CDHR3: variants seen among roughly 807,000 people sequenced by gnomAD.
CDHR3 encodes the protein cadherin related family member 3.
In CDHR3, 79 loss-of-function variants were observed where a neutral mutation model predicts 86.6. The observed-to-expected ratio is 0.91, with a 90% CI of 0.76 to 1.10. CDHR3 has a LOEUF of 1.10. Among genes scored for constraint, CDHR3 ranks in the 50% least tolerant of loss-of-function variants. CDHR3 has a pLI of 0.00. For synonymous variants in CDHR3, 421 were observed against 402.4 expected, an observed-to-expected ratio of 1.05 and a Z score of -0.55; for missense variants, 1,081 against 1,077.6, an observed-to-expected ratio of 1.00 and a Z score of -0.04.
rs764408508 is a variant in CDHR3 at position 105,984,237 on chromosome 7, A to G, written c.461A>G (p.Tyr154Cys). The G allele has an allele frequency of 6.2e-7, 1 of 1,611,086 alleles. No homozygotes were observed. The highest frequency in any genetic ancestry group is 1.1e-5 in the South Asian group (1 of 90,552). Reference sequence around the variant, plus strand: ...GAAAGAGCAAACCCTGGATTCATTTACCAGGTTGAGGCCTTCGATCCAGAA... The same window carrying G: ...GAAAGAGCAAACCCTGGATTCATTTGCCAGGTTGAGGCCTTCGATCCAGAA... ...IVERANPGFI[Y>C]QVEAFDPEDT... Residue 154 changes from tyrosine to cysteine, a missense_variant, in exon 4 of 19, where the codon TAC becomes TGC. Transcript: ENST00000317716.
intron 8 of CDHR3, among the ~76,000 whole-genome samples, chr7:106,007,579 G>T (rs1305452906): frequency 6.6e-6 from 1 of 152,174 alleles, no homozygotes; most frequent in African/African-American, 2.4e-5. Context: ...CAGTCTCTTT[G>T]CTAAAACATA....
intron 4 of CDHR3, among the ~76,000 whole-genome samples, chr7:105,986,910 T>A (rs1830610296): frequency 6.6e-6 from 1 of 152,206 alleles, no homozygotes; most frequent in Admixed American, 6.5e-5. Context: ...TTTTGGGGTA[T>A]CGTGTTCTGA....
At chr7:106,002,658 A>G (rs1046830118) in intron 7 of CDHR3, among the ~76,000 whole-genome samples, 1 of 152,180 alleles carries the variant, frequency 6.6e-6, no homozygotes, top group Non-Finnish European at 1.5e-5. Context: ...GGTTCCCTGA[A>G]GTCTTCTGAA....
At chr7:106,013,313 C>T (rs1456585283) in intron 9 of CDHR3, among the ~76,000 whole-genome samples, 3 of 152,306 alleles carry the variant, frequency 2.0e-5, no homozygotes, top group South Asian at 4.1e-4. Flanking sequence ...TTCACAGACA[C>T]GTCAGTGCCC....
chr7:106,018,089 G>C lies in CDHR3; in HGVS notation c.1653+17G>C. 3.1e-6 allele frequency: 5 copies of C among 1,606,246 alleles called. No individual in the cohort carries two copies. The highest frequency in any genetic ancestry group is 3.4e-6 in the Non-Finnish European group (4 of 1,174,230). On this transcript the variant is annotated intron_variant, in intron 12 of 18. Transcript: ENST00000317716. ...TCTGTCACTGTGAGTGGTGCTGCTT[G>C]GTATAGTGCCGGTAACCCAACTGGT... is the stretch of plus-strand genomic sequence containing the variant.
At chr7:106,025,887 G>T (rs1402386815) in intron 15 of CDHR3, among the ~76,000 whole-genome samples, 1 of 152,104 alleles carries the variant, frequency 6.6e-6, no homozygotes, top group African/African-American at 2.4e-5. Flanking sequence ...AAAAAAAACA[G>T]CTCTAAAAGA....
At chr7:105,968,734 T>C (rs952684190) in intron 1 of CDHR3, among the ~76,000 whole-genome samples, 3 of 152,186 alleles carry the variant, frequency 2.0e-5, no homozygotes, top group Non-Finnish European at 4.4e-5. Flanking sequence ...AGCCTGAATT[T>C]TTCTGCTGAA....
At position 105,998,386 on chromosome 7, in the gene CDHR3, G is replaced by A. The variant is rs183944849; in HGVS notation, c.713+2032G>A. On this transcript the variant is annotated intron_variant, in intron 6 of 18. Coordinates refer to ENST00000317716, the MANE Select transcript of CDHR3 (RefSeq NM_152750.5). ...CAAAGCAAGTCCTATGTCTGTTCTT[G>A]AAAATGTCTCCCCATTTTACCCCTG... 2.3e-3 allele frequency among the ~76,000 whole-genome samples: 352 copies of A among 152,322 alleles called. 2 individuals carry two copies. Among genetic ancestry groups the A allele is most frequent in the African/African-American group, 8.1e-3 (336 of 41,568 alleles).
At chr7:106,018,481 T>C (rs114947103) in intron 12 of CDHR3, among the ~76,000 whole-genome samples, 31,723 of 151,974 alleles carry the variant, frequency 0.21, 3,550 homozygotes, top group African/African-American at 0.26. Flanking sequence ...AGTAATCCAC[T>C]CGCCTCAGCC....
At chr7:105,973,303 T>A (rs1013481183) in intron 1 of CDHR3, among the ~76,000 whole-genome samples, 6 of 152,360 alleles carry the variant, frequency 3.9e-5, no homozygotes, top group Middle Eastern at 3.4e-3. Context: ...CACTTATTTG[T>A]AACATTGGAT....
rs765831356 is a variant in CDHR3 at position 106,024,503 on chromosome 7, A to G, written c.2199A>G (p.Leu733=). ...LLGLLVYLVV[L]LAKAIHRHCP... Reference sequence around the variant, plus strand: ...GTCTCCTCGTGTACCTGGTCGTCCTATTGGCCAAAGCCATCCACAGACACT... The same window carrying G: ...GTCTCCTCGTGTACCTGGTCGTCCTGTTGGCCAAAGCCATCCACAGACACT... Residue 733 remains leucine, a synonymous_variant, in exon 15 of 19, where the codon CTA becomes CTG. Coordinates refer to ENST00000317716, the MANE Select transcript of CDHR3 (RefSeq NM_152750.5). The G allele has an allele frequency of 1.1e-5, 18 of 1,613,904 alleles. No individual in the cohort carries two copies. In the Admixed American group the frequency reaches 1.2e-4, roughly 10 times the overall value.
intron 4 of CDHR3, among the ~76,000 whole-genome samples, chr7:105,988,720 CG>C (rs1830879980): frequency 6.6e-6 from 1 of 152,066 alleles, no homozygotes; most frequent in South Asian, 2.1e-4. Flanking sequence ...AATATTGGAC[CG>C]GCTCTGTCCA....
intron 11 of CDHR3, among the ~76,000 whole-genome samples, chr7:106,017,426 G>A (rs1488280412): frequency 5.9e-5 from 9 of 151,956 alleles, no homozygotes; most frequent in Non-Finnish European, 1.3e-4. Flanking sequence ...AGGTGTGGTC[G>A]TGGGCACCTG....
intron 1 of CDHR3, among the ~76,000 whole-genome samples, chr7:105,974,459 C>G (rs1354301282): frequency 6.6e-6 from 1 of 152,182 alleles, no homozygotes; most frequent in Non-Finnish European, 1.5e-5. Flanking sequence ...CTACAGGGCC[C>G]TGGCAAGAGA....
In CDHR3 at chr7:106,035,249, A is replaced by C. The variant is rs1022056842; in HGVS notation, c.*2552A>C. ...AGCCTGGGGCCTCTCTGAAGAGCTC[A>C]GTGTCTTCTCTGGTGATAGGCAGGA... On this transcript the variant is annotated 3_prime_UTR_variant, in exon 19 of 19. Transcript: ENST00000317716. Among the ~76,000 whole-genome samples the C allele has an allele frequency of 6.6e-6, 1 of 152,228 alleles. No homozygotes were observed. The highest frequency in any genetic ancestry group is 6.5e-5 in the Admixed American group (1 of 15,284).
At chr7:106,015,799 C>T in intron 10 of CDHR3, 128 bp from the exon 11 acceptor site, 2 of 731,520 alleles carry the variant, frequency 2.7e-6, no homozygotes, top group South Asian at 3.0e-5. Flanking sequence ...GGCAGGAGCT[C>T]CCATGTCTTA....
Position 106,022,452 on chromosome 7 carries a change from A to C in CDHR3, c.2076+4A>C. 1.2e-6 allele frequency: 2 copies of C among 1,612,666 alleles called. No homozygotes were observed. The highest frequency in any genetic ancestry group is 1.7e-6 in the Non-Finnish European group (2 of 1,178,970). On this transcript the variant is annotated splice_donor_region_variant and intron_variant, in intron 14 of 18. Transcript: ENST00000317716. The stretch of plus-strand genomic sequence containing the variant: ...TATCATCACCACGACCCCCAGGGTA[A>C]GGGCTTTAGGACCTGGAATCCCCAG...
chr7:105,993,410 C>T (rs1831662030), intron 4 of CDHR3, among the ~76,000 whole-genome samples: 1 of 152,078 alleles, frequency 6.6e-6, no homozygotes, highest in Admixed American at 6.5e-5. Flanking sequence ...TGGCTCATGC[C>T]TGTAATCCCA....
At chr7:106,029,598 C>A (rs1269638468) in intron 17 of CDHR3, among the ~76,000 whole-genome samples, 3 of 151,252 alleles carry the variant, frequency 2.0e-5, no homozygotes, top group Non-Finnish European at 4.4e-5. Flanking sequence ...ACCTTATCTA[C>A]CCCCTGGGAA....
Sources: allele counts gnomAD v4.1 joint callset (sites outside exome capture counted in the v4.1 genomes callset), GRCh38; gene constraint gnomAD v4.1.1; transcripts MANE v1.5; gene names NCBI Gene and HGNC (gene_info 2026-07-23, HGNC 2026-07-21).